Variants in ARMH3 observed in about 807,000 individuals in gnomAD.
The protein encoded by ARMH3 is armadillo-like helical domain-containing protein 3.
Under a neutral mutation model 99.1 loss-of-function variants are expected in ARMH3, and 60 were observed. The ratio of observed to expected loss-of-function variants is 0.61; its 90% CI spans 0.49 to 0.75. The LOEUF is 0.75. Among genes scored for constraint, ARMH3 ranks in the 30% least tolerant of loss-of-function variants. ARMH3 has a pLI of 0.00. For missense variants in ARMH3, 679 were observed against 843.1 expected (o/e 0.81, Z 2.41); for synonymous variants, 285 against 292.8 (o/e 0.97, Z 0.27).
Position 102,009,997 on chromosome 10 carries a change from G to C in ARMH3, c.858C>G (p.Ala286=), listed in dbSNP as rs1324003460. Residue 286 remains alanine (A), a synonymous_variant, in exon 12 of 26, where the codon GCC becomes GCG. Coordinates refer to ENST00000370033, the MANE Select transcript of ARMH3 (RefSeq NM_024541.3). ...CTTACTGTACTGAGATTTTCTCATG[G>C]GCATCTGCTATGAACATGCTGCCCA... ...NMVGSMFIAD[A]HEKISVQTNE... is the part of the protein sequence containing the mutation. The C allele has an allele frequency of 6.2e-7, 1 of 1,613,946 alleles. No homozygotes were observed. Among genetic ancestry groups the C allele is most frequent in the Non-Finnish European group, 8.5e-7 (1 of 1,179,930 alleles).
intron 24 of ARMH3, among the ~76,000 whole-genome samples, chr10:101,881,265 C>T (rs1257151413): frequency 1.3e-5 from 2 of 152,120 alleles, no homozygotes; most frequent in East Asian, 1.9e-4. Flanking sequence ...CAGCAGAACA[C>T]CTTTCTGCTC....
At chr10:102,011,932 C>G (rs2066638717) in intron 10 of ARMH3, 149 bp from the exon 11 acceptor site, 3 of 618,248 alleles carry the variant, frequency 4.9e-6, no homozygotes, top group Non-Finnish European at 8.3e-6. Context: ...CATGACAATC[C>G]CTGCAAGCTA....
rs964249871 is a variant in ARMH3 at position 102,016,062 on chromosome 10, G to C, written c.670-2038C>G. Among the ~76,000 whole-genome samples, 9 of 152,224 alleles carry C rather than the reference G, an allele frequency of 5.9e-5. 1 individual carries two copies. Among genetic ancestry groups the C allele is most frequent in the Admixed American group, 5.9e-4 (9 of 15,286 alleles). ...AAGTGTGAGGATCACTTGAGTCCAG[G>C]AGGTCAAGGCTGCAGTGAGCTGTGA... On this transcript the variant is annotated intron_variant, in intron 8 of 25. Transcript: ENST00000370033.
chr10:101,946,071 C>CAAAAAAAA (rs569179050), intron 22 of ARMH3, among the ~76,000 whole-genome samples: 9 of 34,486 alleles, frequency 2.6e-4, no homozygotes, highest in African/African-American at 1.4e-3. Flanking sequence ...GACTCTGCCT[C>CAAAAAAAA]AAAAAAAAAA....
intron 23 of ARMH3, among the ~76,000 whole-genome samples, chr10:101,907,661 G>A (rs1170235671): frequency 6.6e-6 from 1 of 152,188 alleles, no homozygotes; most frequent in Admixed American, 6.5e-5. Context: ...CGGGATTACA[G>A]GCGTGAGCCA....
At chr10:101,877,002 G>A (rs2067283343) in intron 24 of ARMH3, among the ~76,000 whole-genome samples, 1 of 152,182 alleles carries the variant, frequency 6.6e-6, no homozygotes, top group South Asian at 2.1e-4. Context: ...GAGCCCAGGA[G>A]TACAAGACCA....
intron 4 of ARMH3, among the ~76,000 whole-genome samples, chr10:102,031,048 T>C (rs1398853231): frequency 1.3e-5 from 2 of 151,758 alleles, no homozygotes; most frequent in African/African-American, 4.8e-5. Context: ...CCTCCCAAAG[T>C]GTTGGGATTA....
chr10:102,002,561 T>C (rs575917587), intron 14 of ARMH3, among the ~76,000 whole-genome samples: 7 of 152,140 alleles, frequency 4.6e-5, no homozygotes, highest in African/African-American at 7.2e-5. Context: ...GTACCCATGA[T>C]AGAGAGGGGA....
intron 22 of ARMH3, among the ~76,000 whole-genome samples, chr10:101,950,986 AT>A (rs1349190244): frequency 1.3e-5 from 2 of 152,240 alleles, no homozygotes; most frequent in Non-Finnish European, 2.9e-5. Context: ...TATTAAAAAA[AT>A]TTTAAAAAGT....
chr10:102,042,158 A>T (rs557519494), intron 1 of ARMH3, among the ~76,000 whole-genome samples: 1 of 152,362 alleles, frequency 6.6e-6, no homozygotes, highest in South Asian at 2.1e-4. Flanking sequence ...TGTTGTCAAG[A>T]GGAAGATGTC....
chr10:101,996,730 T>C (rs570270282), intron 15 of ARMH3, among the ~76,000 whole-genome samples: 2 of 152,314 alleles, frequency 1.3e-5, no homozygotes, highest in East Asian at 3.9e-4. Context: ...AGACAGTCTT[T>C]TAAACTCTAA....
chr10:101,924,803 G>T (rs1843446578), intron 23 of ARMH3, among the ~76,000 whole-genome samples: 1 of 152,092 alleles, frequency 6.6e-6, no homozygotes, highest in Admixed American at 6.5e-5. Context: ...AGACCATCAT[G>T]GCCAACATGG....
rs191035556 is a variant in ARMH3, at chr10:101,908,115, A to G, written c.1782-18625T>C. ...TTTAAATTTTATTAATTTAAATGAA[A>G]AAAACTAAAGTAGTTTAAATTTTGT... On this transcript the variant is annotated intron_variant, in intron 23 of 25. Transcript: ENST00000370033. Among the ~76,000 whole-genome samples the G allele has an allele frequency of 3.6e-3, 554 of 152,358 alleles. 11 individuals carry two copies. In the South Asian group the frequency reaches 0.073, roughly 20 times the overall value.
intron 19 of ARMH3, among the ~76,000 whole-genome samples, chr10:101,989,951 C>T (rs570258035): frequency 6.6e-6 from 1 of 152,276 alleles, no homozygotes; most frequent in South Asian, 2.1e-4. Flanking sequence ...GCTGGTATTG[C>T]ATATCTTTGA....
chr10:102,035,954 G>A (rs1590217317), intron 2 of ARMH3, among the ~76,000 whole-genome samples: 2 of 151,884 alleles, frequency 1.3e-5, no homozygotes, highest in Non-Finnish European at 2.9e-5. Context: ...CGTCTAGGAA[G>A]TGAGGAGCGT....
chr10:101,972,636 T>C (rs576182664), intron 20 of ARMH3, among the ~76,000 whole-genome samples: 2 of 152,294 alleles, frequency 1.3e-5, no homozygotes, highest in South Asian at 2.1e-4. Flanking sequence ...TGTGACTGCA[T>C]AGGATGCAAC....
intron 24 of ARMH3, among the ~76,000 whole-genome samples, chr10:101,863,540 T>G (rs1589924212): frequency 2.0e-5 from 3 of 152,188 alleles, no homozygotes; most frequent in Admixed American, 2.0e-4. Flanking sequence ...TCCACTTATA[T>G]GCAAATTTAA....
intron 4 of ARMH3, among the ~76,000 whole-genome samples, chr10:102,031,971 C>A (rs1209499742): frequency 6.6e-6 from 1 of 152,198 alleles, no homozygotes; most frequent in African/African-American, 2.4e-5. Context: ...ATCTCCTGAT[C>A]TCGTGATCCT....
At chr10:102,055,763 T>A (rs995018249) in intron 1 of ARMH3, among the ~76,000 whole-genome samples, 3 of 151,898 alleles carry the variant, frequency 2.0e-5, no homozygotes, top group African/African-American at 7.3e-5. Context: ...GCTGGCGGGG[T>A]CAAAGGTCAG....
Sources: allele counts gnomAD v4.1 joint callset (sites outside exome capture counted in the v4.1 genomes callset), GRCh38; gene constraint gnomAD v4.1.1; transcripts MANE v1.5; gene names NCBI Gene and HGNC (gene_info 2026-07-23, HGNC 2026-07-21).